The following GPC5 variants were observed in gnomAD, a reference collection of about 807,000 sequenced individuals.
The protein encoded by GPC5 is glypican 5.
GPC5 carries 47 observed loss-of-function variants against 53.9 expected under a neutral mutation model. The ratio of observed to expected loss-of-function variants is 0.87; its 90% CI spans 0.69 to 1.11. The LOEUF (loss-of-function observed/expected upper bound fraction) is 1.11. Ranked by LOEUF, GPC5 falls within the 50% of genes most tolerant of loss-of-function variation. The probability of loss-of-function intolerance (pLI) is 0.00; values close to 1 mark genes in which losing one functional copy is unlikely to be tolerated. For missense variants in GPC5, 748 were observed against 713.1 expected (o/e 1.05, Z -0.56); for synonymous variants, 286 against 263.3 (o/e 1.09, Z -0.84).
intron 6 of GPC5, among the ~76,000 whole-genome samples, chr13:91,953,761 G>A (rs2040048562): frequency 6.6e-6 from 1 of 152,158 alleles, no homozygotes; most frequent in African/African-American, 2.4e-5. Flanking sequence ...CCTTCTTGCT[G>A]TGCCTTCTCA....
chr13:91,689,268 A>C (rs866657465), intron 2 of GPC5, among the ~76,000 whole-genome samples: 1 of 142,982 alleles, frequency 7.0e-6, no homozygotes, highest in Admixed American at 7.1e-5. Context: ...TTTTTAAAAA[A>C]GGTACACCTG....
chr13:91,756,977 G>A (rs776763289), intron 5 of GPC5, among the ~76,000 whole-genome samples: 10 of 151,864 alleles, frequency 6.6e-5, no homozygotes, highest in Non-Finnish European at 1.5e-4. Context: ...TCTGTTTGAG[G>A]CATTGTTCAT....
intron 2 of GPC5, among the ~76,000 whole-genome samples, chr13:91,511,051 C>A (rs985437456): frequency 8.5e-5 from 13 of 152,052 alleles, no homozygotes; most frequent in African/African-American, 2.9e-4. Context: ...CCTTTCTAGG[C>A]TATTTATATT....
intron 7 of GPC5, among the ~76,000 whole-genome samples, chr13:92,641,471 A>G (rs755843032): frequency 2.0e-5 from 3 of 152,240 alleles, no homozygotes; most frequent in Non-Finnish European, 4.4e-5. Context: ...AACTAAATGC[A>G]GTATATGATT....
intron 7 of GPC5, among the ~76,000 whole-genome samples, chr13:92,488,999 A>C (rs1594244510): frequency 6.6e-6 from 1 of 152,326 alleles, no homozygotes; most frequent in East Asian, 1.9e-4. Flanking sequence ...AAGTTCCCAG[A>C]TGTTCATATA....
At chr13:91,822,739 A>G (rs1039702313) in intron 5 of GPC5, among the ~76,000 whole-genome samples, 1 of 152,130 alleles carries the variant, frequency 6.6e-6, no homozygotes, top group Non-Finnish European at 1.5e-5. Context: ...GTCAAGCCAT[A>G]TCACATAAGA....
chr13:91,530,914 A>G lies in GPC5; in HGVS notation c.325+81992A>G, dbSNP rs564232476. Among the ~76,000 whole-genome samples, 9 of 152,316 alleles carry G rather than the reference A, an allele frequency of 5.9e-5. No homozygotes were observed. The South Asian group carries it at 1.2e-3, about 21-fold the overall frequency. ...TAGCACGAAATCTTATTTTGAGGAT[A>G]GGGTTGAACAATAGTTCTTTGGTAT... On this transcript the variant is annotated intron_variant, in intron 2 of 7. Transcript: ENST00000377067.
At chr13:92,253,444 A>G (rs2042705841) in intron 7 of GPC5, among the ~76,000 whole-genome samples, 1 of 151,936 alleles carries the variant, frequency 6.6e-6, no homozygotes, top group Admixed American at 6.6e-5. Flanking sequence ...AAAAAAATAG[A>G]TATGAGACCC....
At chr13:92,788,652 C>T (rs1876348031) in intron 7 of GPC5, among the ~76,000 whole-genome samples, 1 of 152,072 alleles carries the variant, frequency 6.6e-6, no homozygotes, top group Non-Finnish European at 1.5e-5. Flanking sequence ...TTTCAATGAT[C>T]GGAAATGATA....
chr13:91,682,953 G>A (rs1418832908), intron 2 of GPC5, among the ~76,000 whole-genome samples: 2 of 151,780 alleles, frequency 1.3e-5, no homozygotes, highest in Non-Finnish European at 2.9e-5. Flanking sequence ...TGTCTTCTGT[G>A]ATCAGTATTG....
intron 7 of GPC5, among the ~76,000 whole-genome samples, chr13:92,799,077 A>AT (rs1047369740): frequency 7.3e-5 from 11 of 150,898 alleles, no homozygotes; most frequent in African/African-American, 1.9e-4. Context: ...GATCAGACTG[A>AT]TTTTTTTTTC....
At chr13:92,328,277 G>C (rs2043265565) in intron 7 of GPC5, among the ~76,000 whole-genome samples, 1 of 152,104 alleles carries the variant, frequency 6.6e-6, no homozygotes, top group Admixed American at 6.6e-5. Context: ...ATGGAGTATG[G>C]CAACAGAAAT....
chr13:92,192,796 T>G (rs2139049914), intron 7 of GPC5, among the ~76,000 whole-genome samples: 1 of 152,354 alleles, frequency 6.6e-6, no homozygotes, highest in East Asian at 1.9e-4. Context: ...AATACCATTA[T>G]GTTTGCATGA....
intron 7 of GPC5, among the ~76,000 whole-genome samples, chr13:92,245,924 T>G (rs2139122149): frequency 6.6e-6 from 1 of 152,246 alleles, no homozygotes; most frequent in Admixed American, 6.5e-5. Context: ...CATTCTCTTT[T>G]GAATATTCTT....
At chr13:92,602,233 C>CATATATATATATATATATATAT (rs149450440) in intron 7 of GPC5, among the ~76,000 whole-genome samples, 8 of 119,494 alleles carry the variant, frequency 6.7e-5, no homozygotes, top group East Asian at 2.2e-4. Flanking sequence ...ATATATATAA[C>CATATATATATATATATATATAT]ATATATATAT....
intron 7 of GPC5, among the ~76,000 whole-genome samples, chr13:92,392,787 A>C (rs974771583): frequency 6.6e-6 from 1 of 152,226 alleles, no homozygotes; most frequent in African/African-American, 2.4e-5. Flanking sequence ...GCCAACAAGC[A>C]TATATAAAAA....
intron 7 of GPC5, among the ~76,000 whole-genome samples, chr13:92,458,204 T>C (rs1013420172): frequency 1.3e-4 from 19 of 151,916 alleles, no homozygotes; most frequent in African/African-American, 4.6e-4. Context: ...TTCAGTATTC[T>C]AGTCTATATG....
At chr13:92,187,169 A>G (rs984707037) in intron 7 of GPC5, among the ~76,000 whole-genome samples, 3 of 152,086 alleles carry the variant, frequency 2.0e-5, no homozygotes, top group African/African-American at 4.8e-5. Context: ...AAAACCCTCA[A>G]TGTAACCTGT....
intron 7 of GPC5, among the ~76,000 whole-genome samples, chr13:92,203,655 TA>T (rs954176364): frequency 1.6e-3 from 163 of 101,670 alleles, no homozygotes; most frequent in African/African-American, 3.6e-3. Context: ...TATATATATA[TA>T]AAAAAATAAA....
Sources: allele counts gnomAD v4.1 joint callset (sites outside exome capture counted in the v4.1 genomes callset), GRCh38; gene constraint gnomAD v4.1.1; transcripts MANE v1.5; gene names NCBI Gene and HGNC (gene_info 2026-07-23, HGNC 2026-07-21).